FAS: variants seen among roughly 807,000 people sequenced by gnomAD.
FAS encodes the protein tumor necrosis factor receptor superfamily member 6.
In FAS, 5 loss-of-function variants were observed where a neutral mutation model predicts 33.2. That is an observed-to-expected ratio of 0.15 (90% CI 0.08 to 0.32). The LOEUF is 0.32. Ranked by LOEUF, FAS falls within the 10% of genes least tolerant of loss-of-function variation. The pLI, the probability that FAS is intolerant of heterozygous loss-of-function variation, is 1.00. For missense variants in FAS, 339 were observed against 386.0 expected, an observed-to-expected ratio of 0.88 and a Z score of 1.02; for synonymous variants, 131 against 130.7, an observed-to-expected ratio of 1.00 and a Z score of -0.01.
chr10:88,998,047 A>G (rs1419911358), intron 1 of FAS, among the ~76,000 whole-genome samples: 1 of 152,222 alleles, frequency 6.6e-6, no homozygotes, highest in Non-Finnish European at 1.5e-5. Context: ...TGTCTCACAA[A>G]TCAAGAATCC....
At chr10:89,006,989 A>G (rs2133497290) in intron 2 of FAS, among the ~76,000 whole-genome samples, 1 of 152,354 alleles carries the variant, frequency 6.6e-6, no homozygotes, top group East Asian at 1.9e-4. Context: ...GTTAATGCTT[A>G]TCAAAACTCA....
At chr10:88,968,725 G>A (rs1262692053) in intron 1 of FAS, among the ~76,000 whole-genome samples, 2 of 152,128 alleles carry the variant, frequency 1.3e-5, no homozygotes, top group African/African-American at 4.8e-5. Flanking sequence ...TGGCTGGCCT[G>A]GAATGAGGCT....
intron 1 of FAS, chr10:88,991,377 G>T (rs542429503): frequency 5.4e-5 from 16 of 297,644 alleles, no homozygotes; most frequent in Non-Finnish European, 9.8e-5. Flanking sequence ...GCCGCCCCGC[G>T]GGGGCGGGGA....
intron 2 of FAS, among the ~76,000 whole-genome samples, chr10:88,976,609 T>G (rs961298156): frequency 1.7e-4 from 26 of 152,358 alleles, no homozygotes; most frequent in African/African-American, 6.0e-4. Context: ...ATATCTCTAA[T>G]GTACCCTGAA....
intron 1 of FAS, among the ~76,000 whole-genome samples, chr10:88,995,303 G>C (rs1388104117): frequency 6.6e-6 from 1 of 152,130 alleles, no homozygotes; most frequent in East Asian, 1.9e-4. Context: ...GAGTAGTAAA[G>C]CCCAAATCAG....
chr10:88,994,002 A>T (rs1017571241), intron 1 of FAS, among the ~76,000 whole-genome samples: 7 of 152,266 alleles, frequency 4.6e-5, no homozygotes, highest in African/African-American at 1.7e-4. Flanking sequence ...AGTTAGACTG[A>T]TGAAAAATCC....
In FAS at chr10:89,011,986, T is replaced by A; in HGVS notation, c.569-13T>A. On this transcript the variant is annotated splice_polypyrimidine_tract_variant and intron_variant, in intron 6 of 8. Coordinates refer to ENST00000652046, the MANE Select transcript of FAS (RefSeq NM_000043.6). ...CTGAGACCTGAGTTGATAAAATTTC[T>A]TTGTTCTTTCAGTGAAGAGAAAGGA... 1 of 1,612,742 alleles carries A rather than the reference T, an allele frequency of 6.2e-7. No individual in the cohort carries two copies. Among genetic ancestry groups the A allele is most frequent in the Middle Eastern group, 1.7e-4 (1 of 6,058 alleles).
Position 89,015,483 on chromosome 10 carries a change from T to A in FAS, c.*1033T>A, listed in dbSNP as rs1425682779. 3.7e-6 allele frequency: 2 copies of A among 534,658 alleles called. No homozygotes were observed. The highest frequency in any genetic ancestry group is 1.5e-5 in the South Asian group (1 of 65,138). 33.1% of individuals were successfully genotyped at this position (534,658 alleles called of 1,614,324 possible). On this transcript the variant is annotated 3_prime_UTR_variant, in exon 9 of 9. Transcript: ENST00000652046. ...CCTGCTACAAATGGCAGCTTATACA[T>A]AGCAATGGTAAAATCATCATCTGGA... is the stretch of plus-strand genomic sequence containing the variant.
At chr10:89,007,034 TAGAA>T (rs1362461407) in intron 2 of FAS, among the ~76,000 whole-genome samples, 5 of 152,120 alleles carry the variant, frequency 3.3e-5, no homozygotes, top group Non-Finnish European at 5.9e-5. Flanking sequence ...GAAAAAGTAA[TAGAA>T]AGGGGAGAAC....
At chr10:88,987,007 T>G (rs183701922), upstream of FAS, among the ~76,000 whole-genome samples, 5 of 152,342 alleles carry the variant, frequency 3.3e-5, no homozygotes, top group Admixed American at 3.3e-4. Context: ...GTCTATATGA[T>G]TAGATTCACA....
At chr10:88,974,238 T>A (rs1314331929) in intron 2 of FAS, 3 of 150,904 alleles carry the variant, frequency 2.0e-5, no homozygotes, top group Non-Finnish European at 4.5e-5. Flanking sequence ...TCATTTGGCT[T>A]GACTCTTTGG....
chr10:88,989,644 A>G, upstream of FAS: 1 of 504,528 alleles, frequency 2.0e-6, no homozygotes, highest in Non-Finnish European at 3.9e-6. Context: ...AACCTAACCT[A>G]GATTTGAGGG....
rs1220701769 is a variant in FAS at position 89,015,224 on chromosome 10, A to T, written c.*774A>T. 2 of 534,736 alleles carry T rather than the reference A, an allele frequency of 3.7e-6. No homozygotes were observed. Among genetic ancestry groups the T allele is most frequent in the Non-Finnish European group, 7.2e-6 (2 of 276,720 alleles). 33.1% of individuals were successfully genotyped at this position (534,736 alleles called of 1,614,324 possible). A position where few individuals can be genotyped will look rare whatever the true frequency, so the allele number is the denominator to read the frequency against. ...CCTCTCCATTTTTGCCTTGGTGCTC[A>T]TCTTAATGGCCTAATGCACCCCCAA... On this transcript the variant is annotated 3_prime_UTR_variant, in exon 9 of 9. Coordinates refer to ENST00000652046, the MANE Select transcript of FAS (RefSeq NM_000043.6).
At chr10:88,964,486 G>T (rs1055806861) in intron 1 of FAS, among the ~76,000 whole-genome samples, 8 of 152,178 alleles carry the variant, frequency 5.3e-5, no homozygotes, top group African/African-American at 1.7e-4. Context: ...AGGTTATATA[G>T]TAAAGTCTGT....
chr10:88,976,289 G>A (rs1846562027), intron 2 of FAS, among the ~76,000 whole-genome samples: 1 of 152,194 alleles, frequency 6.6e-6, no homozygotes, highest in South Asian at 2.1e-4. Flanking sequence ...ATCCTGGGCT[G>A]CATGTGGCCC....
upstream of FAS, among the ~76,000 whole-genome samples, chr10:88,983,336 G>A (rs1425899448): frequency 6.6e-6 from 1 of 152,104 alleles, no homozygotes; most frequent in Non-Finnish European, 1.5e-5. Context: ...TATGACAAGA[G>A]TATGGTTTTA....
intron 2 of FAS, among the ~76,000 whole-genome samples, chr10:88,979,356 A>G (rs568780408): frequency 1.3e-5 from 2 of 152,164 alleles, no homozygotes; most frequent in Non-Finnish European, 2.9e-5. Context: ...CTTGTGGCTC[A>G]CCACAGACCA....
chr10:89,016,370 T>G lies in FAS; in HGVS notation c.*1920T>G, dbSNP rs1848807088. ...CTGAGCCATCATAGTCTGTGCTGTC[T>G]GCTCTCCAGTTTTCTATTTCTAGAC... On this transcript the variant is annotated 3_prime_UTR_variant, in exon 9 of 9. Transcript: ENST00000652046. 1 of 218,718 alleles carries G rather than the reference T, an allele frequency of 4.6e-6. No individual in the cohort carries two copies. The highest frequency in any genetic ancestry group is 9.2e-6 in the Non-Finnish European group (1 of 108,940). The allele number at this position is 218,718 out of a possible 1,614,324, so 13.5% of individuals were successfully genotyped here.
At chr10:89,007,065 C>T (rs1047136982) in intron 2 of FAS, among the ~76,000 whole-genome samples, 1 of 152,184 alleles carries the variant, frequency 6.6e-6, no homozygotes, top group African/African-American at 2.4e-5. Context: ...AACTCTCATG[C>T]TCACTAGGCA....
Sources: gnomAD v4.1 joint callset for allele counts (sites outside exome capture counted in the v4.1 genomes callset) on GRCh38, gnomAD v4.1.1 for gene constraint, MANE v1.5 for transcripts, NCBI Gene and HGNC (gene_info 2026-07-23, HGNC 2026-07-21) for gene names.